The following NUDT3 variants were observed in gnomAD, a reference collection of about 807,000 sequenced individuals.
NUDT3 encodes the protein nudix hydrolase 3.
Under a neutral mutation model 23.6 loss-of-function variants are expected in NUDT3, and 9 were observed. The ratio of observed to expected loss-of-function variants is 0.38; its 90% confidence interval spans 0.23 to 0.66. The LOEUF (loss-of-function observed/expected upper bound fraction) is 0.66, where lower values mean the gene tolerates loss of function less well. Ranked by LOEUF, NUDT3 falls within the 30% of genes least tolerant of loss-of-function variation. The pLI, the probability that NUDT3 is intolerant of heterozygous loss-of-function variation, is 0.52. For synonymous variants in NUDT3, 86 were observed against 82.6 expected, an observed-to-expected ratio of 1.04 and a Z score of -0.22; for missense variants, 172 against 218.5, an observed-to-expected ratio of 0.79 and a Z score of 1.34.
At chr6:34,305,691 G>A (rs1662479987) in intron 2 of NUDT3, among the ~76,000 whole-genome samples, 1 of 152,188 alleles carries the variant, frequency 6.6e-6, no homozygotes, top group South Asian at 2.1e-4. Flanking sequence ...AACTGACTGA[G>A]CTGTATCCCG....
At chr6:34,392,208 C>A in intron 1 of NUDT3, 56 bp downstream of exon 1, 1 of 1,435,044 alleles carries the variant, frequency 7.0e-7, no homozygotes, top group Non-Finnish European at 9.4e-7. Context: ...CCTCGCGCCT[C>A]CACCCGAAGG....
Position 34,341,907 on chromosome 6 carries a change from G to C in NUDT3, c.165C>G (p.Pro55=). 1.2e-6 allele frequency: 2 copies of C among 1,613,978 alleles called. No individual in the cohort carries two copies. The highest frequency in any genetic ancestry group is 1.7e-6 in the Non-Finnish European group (2 of 1,179,950). The change falls in exon 2 of 5, where the codon CCC becomes CCG. Residue 55 remains proline (P), a synonymous_variant. Coordinates refer to ENST00000607016, the MANE Select transcript of NUDT3 (RefSeq NM_006703.4). The part of the protein sequence containing the change: ...RWIVPGGGME[P]EEEPSVAAVR... ...CTGCTGCCACACTTGGCTCCTCCTC[G>C]GGCTCCATGCCTCCTCCAGGGACAA...
chr6:34,321,352 C>T lies in NUDT3; in HGVS notation c.210+20510G>A, dbSNP rs188360890. ...ACTCAAGAGGCTGAGACAGGAGAAT[C>T]GCTTGAACCTGGGAGGCAGAGATTG... On this transcript the variant is annotated intron_variant, in intron 2 of 4. Coordinates refer to ENST00000607016, the MANE Select transcript of NUDT3 (RefSeq NM_006703.4). Among the ~76,000 whole-genome samples the T allele has an allele frequency of 4.6e-3, 693 of 152,070 alleles. 2 individuals are homozygous for T. The highest frequency in any genetic ancestry group is 6.8e-3 in the Middle Eastern group (2 of 294).
rs750316737 is a variant in NUDT3, at chr6:34,295,694, T to C, written c.211-9A>G. 1.1e-5 allele frequency: 18 copies of C among 1,613,698 alleles called. No homozygotes were observed. In the South Asian group the frequency reaches 1.8e-4, roughly 16 times the overall value. On this transcript the variant is annotated splice_polypyrimidine_tract_variant and intron_variant, in intron 2 of 4. Transcript: ENST00000607016. Reference sequence around the variant, plus strand: ...GTCCCTTTTACTCCAGCCTAGAAAGTGAAAAGAACAATTAATGCACTGATA... The same window carrying C: ...GTCCCTTTTACTCCAGCCTAGAAAGCGAAAAGAACAATTAATGCACTGATA...
chr6:34,359,116 G>C (rs1234706026), intron 1 of NUDT3, among the ~76,000 whole-genome samples: 1 of 152,204 alleles, frequency 6.6e-6, no homozygotes, highest in African/African-American at 2.4e-5. Context: ...GCTCATGCCT[G>C]TAATCCCAGC....
intron 2 of NUDT3, among the ~76,000 whole-genome samples, chr6:34,304,715 A>G (rs1763652169): frequency 6.6e-6 from 1 of 150,686 alleles, no homozygotes; most frequent in African/African-American, 2.4e-5. Flanking sequence ...TCTGGAGTGC[A>G]GTGGCGCAGA....
In NUDT3 at chr6:34,283,485, G is replaced by A. The variant is rs147993318; in HGVS notation, c.*5268C>T. ...CCCAAAGTGCTGGGATTACAGGCGT[G>A]AGCCACCATGACCAGCCCTCCATTT... On this transcript the variant is annotated 3_prime_UTR_variant, in exon 5 of 5. Coordinates refer to ENST00000607016, the MANE Select transcript of NUDT3 (RefSeq NM_006703.4). 672 of 152,354 alleles carry A rather than the reference G, an allele frequency of 4.4e-3. 5 individuals are homozygous for A. Among genetic ancestry groups the A allele is most frequent in the Non-Finnish European group, 7.7e-3 (522 of 68,074 alleles). The allele number at this position is 152,354 out of a possible 1,614,324, so 9.4% of individuals were successfully genotyped here.
intron 2 of NUDT3, among the ~76,000 whole-genome samples, chr6:34,336,087 G>A (rs1764204773): frequency 6.6e-6 from 1 of 152,074 alleles, no homozygotes; most frequent in African/African-American, 2.4e-5. Flanking sequence ...TGGCCAACAT[G>A]ATGAAACCCC....
chr6:34,374,513 C>T (rs898551334), intron 1 of NUDT3, among the ~76,000 whole-genome samples: 1 of 152,048 alleles, frequency 6.6e-6, no homozygotes, highest in Non-Finnish European at 1.5e-5. Flanking sequence ...GTCTTTGTGA[C>T]GCTGTTATGA....
At chr6:34,383,507 C>T (rs1010348682) in intron 1 of NUDT3, among the ~76,000 whole-genome samples, 2 of 152,184 alleles carry the variant, frequency 1.3e-5, no homozygotes, top group Non-Finnish European at 2.9e-5. Flanking sequence ...CCCACGTAGG[C>T]CTCCCAAAAT....
At chr6:34,356,401 C>T (rs905426426) in intron 1 of NUDT3, among the ~76,000 whole-genome samples, 4 of 151,876 alleles carry the variant, frequency 2.6e-5, no homozygotes, top group South Asian at 2.1e-4. Context: ...ATTCCTGATA[C>T]GGCTGATTCC....
chr6:34,283,136 G>T lies in NUDT3; in HGVS notation c.*5617C>A, dbSNP rs1054906052. 6.6e-6 allele frequency: 1 copy of T among 151,652 alleles called. No homozygotes were observed. Among genetic ancestry groups the T allele is most frequent in the Non-Finnish European group, 1.5e-5 (1 of 67,986 alleles). The allele number at this position is 151,652 out of a possible 1,614,324, so 9.4% of individuals were successfully genotyped here. On this transcript the variant is annotated 3_prime_UTR_variant, in exon 5 of 5. Coordinates refer to ENST00000607016, the MANE Select transcript of NUDT3 (RefSeq NM_006703.4). Reference sequence around the variant, plus strand: ...TCAGGTCAGAGACAGCCAAAATCATGTGACTGCTAGCCTCAGCTCAAGTAG... The same window carrying T: ...TCAGGTCAGAGACAGCCAAAATCATTTGACTGCTAGCCTCAGCTCAAGTAG...
rs145749122 is a variant in NUDT3 at position 34,350,432 on chromosome 6, AAGTG to A, written c.100-8464_100-8461del. Among the ~76,000 whole-genome samples, 232 of 151,150 alleles carry A rather than the reference AAGTG, an allele frequency of 1.5e-3. 14 individuals carry two copies. The highest frequency in any genetic ancestry group is 5.3e-3 in the African/African-American group (214 of 40,720). ...CTTCATAAAAATAAGGCCAAGATGA[AAGTG>A]AGTAATTATCTGTACTTGTTTGGAT... On this transcript the variant is annotated intron_variant, in intron 1 of 4. Coordinates refer to ENST00000607016, the MANE Select transcript of NUDT3 (RefSeq NM_006703.4).
intron 1 of NUDT3, among the ~76,000 whole-genome samples, chr6:34,345,394 T>C (rs376809004): frequency 2.4e-4 from 37 of 151,832 alleles, no homozygotes; most frequent in African/African-American, 8.4e-4. Context: ...CTGGGCGTGG[T>C]AGCTCACGGC....
chr6:34,294,985 A>G (rs935768405), intron 3 of NUDT3, among the ~76,000 whole-genome samples: 1 of 152,050 alleles, frequency 6.6e-6, no homozygotes. Context: ...TCAAATTTGT[A>G]TCACAGCTTA....
intron 1 of NUDT3, among the ~76,000 whole-genome samples, chr6:34,348,240 T>A (rs1349972147): frequency 1.3e-5 from 2 of 150,608 alleles, no homozygotes; most frequent in Non-Finnish European, 3.0e-5. Context: ...GACCCAAGAT[T>A]ACATGACTGC....
At chr6:34,333,233 G>A (rs1764156930) in intron 2 of NUDT3, among the ~76,000 whole-genome samples, 1 of 152,190 alleles carries the variant, frequency 6.6e-6, no homozygotes, top group Non-Finnish European at 1.5e-5. Context: ...TTGCTAATGT[G>A]TCAAATGCTT....
chr6:34,375,560 T>C (rs539456240), intron 1 of NUDT3, among the ~76,000 whole-genome samples: 89 of 152,272 alleles, frequency 5.8e-4, no homozygotes, highest in Middle Eastern at 3.4e-3. Flanking sequence ...GCCAGACTTT[T>C]TCTTGCCCCT....
At chr6:34,327,515 C>CGA (rs564455905) in intron 2 of NUDT3, among the ~76,000 whole-genome samples, 48 of 139,874 alleles carry the variant, frequency 3.4e-4, no homozygotes, top group East Asian at 2.7e-3. Flanking sequence ...AGCAATAGGG[C>CGA]GAGACTCCGC....
Sources: allele counts gnomAD v4.1 joint callset (sites outside exome capture counted in the v4.1 genomes callset), GRCh38; gene constraint gnomAD v4.1.1; transcripts MANE v1.5; gene names NCBI Gene and HGNC (gene_info 2026-07-23, HGNC 2026-07-21).